Variants in TMEM71 observed in about 807,000 individuals in gnomAD.
The protein encoded by TMEM71 is transmembrane protein 71.
In TMEM71, 44 loss-of-function variants were observed where a neutral mutation model predicts 38.0. The ratio of observed to expected loss-of-function variants is 1.16; its 90% CI spans 0.91 to 1.49. The LOEUF (loss-of-function observed/expected upper bound fraction) is 1.49. Ranked by LOEUF, TMEM71 falls within the 40% of genes most tolerant of loss-of-function variation. The pLI, the probability that TMEM71 is intolerant of heterozygous loss-of-function variation, is 0.00. For synonymous variants in TMEM71, 133 were observed against 122.5 expected (o/e 1.09, Z -0.56); for missense variants, 367 against 348.6 (o/e 1.05, Z -0.42).
chr8:132,743,720 C>G (rs1389547842), intron 5 of TMEM71, among the ~76,000 whole-genome samples: 2 of 152,112 alleles, frequency 1.3e-5, no homozygotes, highest in African/African-American at 4.8e-5. Context: ...AACTCAGATT[C>G]CTCCTCTGAG....
chr8:132,706,754 G>A (rs997942393), downstream of TMEM71, among the ~76,000 whole-genome samples: 2 of 152,180 alleles, frequency 1.3e-5, no homozygotes, highest in African/African-American at 4.8e-5. Flanking sequence ...GCAATCAGAC[G>A]GTAGATGTTT....
chr8:132,742,372 C>A (rs1234531085), intron 5 of TMEM71, among the ~76,000 whole-genome samples: 2 of 152,174 alleles, frequency 1.3e-5, no homozygotes, highest in Non-Finnish European at 2.9e-5. Flanking sequence ...GAGACTCTGT[C>A]TAGAAAAACA....
chr8:132,708,180 G>T (rs1450377228), downstream of TMEM71, among the ~76,000 whole-genome samples: 1 of 152,126 alleles, frequency 6.6e-6, no homozygotes, highest in African/African-American at 2.4e-5. Context: ...TAACAAATAG[G>T]ACCTGAAGAG....
intron 7 of TMEM71, among the ~76,000 whole-genome samples, chr8:132,719,986 T>C (rs1826750875): frequency 1.3e-5 from 2 of 152,242 alleles, no homozygotes. Flanking sequence ...TTTGATGACC[T>C]TGACAGTTTT....
At chr8:132,728,795 C>G (rs1827293990) in intron 5 of TMEM71, among the ~76,000 whole-genome samples, 2 of 152,314 alleles carry the variant, frequency 1.3e-5, no homozygotes, top group South Asian at 4.1e-4. Context: ...GACCTAGCTG[C>G]TGGGATATAG....
chr8:132,775,873 C>T, the TMEM71 span, among the ~76,000 whole-genome samples: 1 of 152,194 alleles, frequency 6.6e-6, no homozygotes, highest in African/African-American at 2.4e-5. Flanking sequence ...CAGCTCCCTG[C>T]CAGCCCTGTC....
At chr8:132,752,044 C>A in intron 3 of TMEM71, 47 bp from the exon 4 acceptor site, 1 of 1,495,496 alleles carries the variant, frequency 6.7e-7, no homozygotes, top group Middle Eastern at 1.9e-4. Flanking sequence ...TCAGTACATC[C>A]AGTCCCAAAT....
chr8:132,750,341 C>T (rs1169126421), intron 4 of TMEM71, among the ~76,000 whole-genome samples: 3 of 152,170 alleles, frequency 2.0e-5, no homozygotes, highest in Non-Finnish European at 2.9e-5. Flanking sequence ...ATTTCCCTGA[C>T]CCTTATTACA....
At chr8:132,707,772 A>AT (rs2130981559), downstream of TMEM71, among the ~76,000 whole-genome samples, 1 of 152,302 alleles carries the variant, frequency 6.6e-6, no homozygotes, top group South Asian at 2.1e-4. Context: ...AAAACAAGGC[A>AT]TTTGCCTTAT....
intron 4 of TMEM71, among the ~76,000 whole-genome samples, chr8:132,749,989 G>A (rs1203880500): frequency 2.1e-5 from 3 of 144,284 alleles, no homozygotes; most frequent in Admixed American, 7.2e-5. Context: ...ACTCCAGCCT[G>A]GCGAAAGAGC....
chr8:132,716,909 G>C (rs1050092853), intron 7 of TMEM71, among the ~76,000 whole-genome samples: 1 of 151,960 alleles, frequency 6.6e-6, no homozygotes, highest in African/African-American at 2.4e-5. Context: ...ATGACATTTG[G>C]GTTGTTTCTA....
chr8:132,760,772 C>T (rs1829276800), upstream of TMEM71: 1 of 152,180 alleles, frequency 6.6e-6, no homozygotes, highest in East Asian at 1.9e-4. Context: ...ATGTGCAGCC[C>T]ATGTGTCAGG....
the TMEM71 span, among the ~76,000 whole-genome samples, chr8:132,769,677 T>C: frequency 7.2e-5 from 11 of 152,254 alleles, no homozygotes; most frequent in East Asian, 1.9e-3. Context: ...GAGGACACAG[T>C]GAGAAGGCAG....
At chr8:132,711,553 C>A (rs1052821405) in intron 9 of TMEM71, among the ~76,000 whole-genome samples, 2 of 152,100 alleles carry the variant, frequency 1.3e-5, no homozygotes, top group African/African-American at 4.8e-5. Context: ...ACAGATGTGA[C>A]CCATTTTGTT....
chr8:132,711,102 A>G (rs1434372768), intron 9 of TMEM71, 120 bp from the exon 10 acceptor site: 5 of 863,310 alleles, frequency 5.8e-6, no homozygotes, highest in African/African-American at 3.6e-5. Context: ...CCATACCCAC[A>G]ACGGGCCTGA....
the TMEM71 span, among the ~76,000 whole-genome samples, chr8:132,767,569 G>A: frequency 2.4e-4 from 36 of 151,724 alleles, no homozygotes; most frequent in African/African-American, 8.7e-4. Context: ...CTGCTTCCCG[G>A]GCTCAAGCAA....
chr8:132,763,148 T>C (rs182166351), upstream of TMEM71, among the ~76,000 whole-genome samples: 17 of 152,286 alleles, frequency 1.1e-4, no homozygotes, highest in South Asian at 3.3e-3. Context: ...ACTGCCTTGC[T>C]ACTAATTAAT....
At chr8:132,762,423 C>T (rs548368471), upstream of TMEM71, among the ~76,000 whole-genome samples, 1 of 152,204 alleles carries the variant, frequency 6.6e-6, no homozygotes, top group South Asian at 2.1e-4. Flanking sequence ...CTCTGCTCTT[C>T]CTGTGCCCAC....
intron 4 of TMEM71, among the ~76,000 whole-genome samples, chr8:132,750,255 T>C (rs1188890515): frequency 6.6e-6 from 1 of 152,146 alleles, no homozygotes; most frequent in Non-Finnish European, 1.5e-5. Context: ...AAAGGTGACC[T>C]TTTCTATTTT....
Sources: allele counts gnomAD v4.1 joint callset (sites outside exome capture counted in the v4.1 genomes callset), GRCh38; gene constraint gnomAD v4.1.1; transcripts MANE v1.5; gene names NCBI Gene and HGNC (gene_info 2026-07-23, HGNC 2026-07-21).